Variants in MACROH2A2 observed in about 807,000 individuals in gnomAD.
The protein encoded by MACROH2A2 is macroH2A.2 histone, also known as core histone macro-H2A.2.
In MACROH2A2, 6 loss-of-function variants were observed where a neutral mutation model predicts 37.6. The ratio of observed to expected loss-of-function variants is 0.16; its 90% CI spans 0.09 to 0.32. MACROH2A2 has a LOEUF of 0.32. MACROH2A2 is among the 10% of genes least tolerant of loss of function. The pLI, the probability that MACROH2A2 is intolerant of heterozygous loss-of-function variation, is 1.00. For missense variants in MACROH2A2, 290 were observed against 485.9 expected (o/e 0.60, Z 3.79); for synonymous variants, 192 against 202.7 (o/e 0.95, Z 0.45).
At chr10:70,099,884 A>C (rs796487692) in intron 6 of MACROH2A2, among the ~76,000 whole-genome samples, 24 of 152,238 alleles carry the variant, frequency 1.6e-4, no homozygotes, top group African/African-American at 5.3e-4. Context: ...TGAGTACTAA[A>C]CCTGTGGGAC....
chr10:70,069,499 C>T (rs1420242883), intron 1 of MACROH2A2, among the ~76,000 whole-genome samples: 1 of 152,124 alleles, frequency 6.6e-6, no homozygotes, highest in Non-Finnish European at 1.5e-5. Context: ...CTATAGCCCA[C>T]GTGCATCTGG....
chr10:70,055,440 C>T lies in MACROH2A2; in HGVS notation c.-60+2440C>T, dbSNP rs185454207. Among the ~76,000 whole-genome samples, 11 of 152,170 alleles carry T rather than the reference C, an allele frequency of 7.2e-5. No individual in the cohort carries two copies. The East Asian group carries it at 1.4e-3, about 19-fold the overall frequency. Reference sequence around the variant, plus strand: ...TGTTGTTGTTTTGAGATGGGGGTCTCGCTATATTGCTCAGACTGGTCTCGA... The same window carrying T: ...TGTTGTTGTTTTGAGATGGGGGTCTTGCTATATTGCTCAGACTGGTCTCGA... On this transcript the variant is annotated intron_variant, in intron 1 of 8. Transcript: ENST00000373255.
intron 1 of MACROH2A2, among the ~76,000 whole-genome samples, chr10:70,055,124 A>G (rs985189353): frequency 3.9e-5 from 6 of 152,110 alleles, no homozygotes; most frequent in African/African-American, 7.2e-5. Flanking sequence ...CCTGCTAGCT[A>G]TTGTCTGAGA....
At chr10:70,065,350 T>G (rs896133005) in intron 1 of MACROH2A2, among the ~76,000 whole-genome samples, 1 of 152,214 alleles carries the variant, frequency 6.6e-6, no homozygotes, top group African/African-American at 2.4e-5. Flanking sequence ...GTGCTGGGAT[T>G]ATAAGCGTAA....
rs1244096329 is a variant in MACROH2A2, at chr10:70,109,223, CCT to C, written c.953+17_953+18del. 1.7e-5 allele frequency: 28 copies of C among 1,608,206 alleles called. No individual in the cohort carries two copies. Among genetic ancestry groups the C allele is most frequent in the Admixed American group, 3.3e-5 (2 of 60,008 alleles). ...CCAGCGGCAGGTAAGATGCAGTTCC[CCT>C]GAGTTGATTCCTCCGGCTTTTTCCC... On this transcript the variant is annotated intron_variant, in intron 8 of 8. Transcript: ENST00000373255.
At chr10:70,109,284 C>G (rs1257119260) in intron 8 of MACROH2A2, 77 bp downstream of exon 8, 7 of 1,261,822 alleles carry the variant, frequency 5.5e-6, no homozygotes. Context: ...TACATCTGAT[C>G]TGGGTGTTGC....
chr10:70,108,938 C>G, intron 7 of MACROH2A2, 95 bp from the exon 8 acceptor site: 2 of 1,122,654 alleles, frequency 1.8e-6, no homozygotes, highest in East Asian at 4.7e-5. Context: ...CTATCACTGC[C>G]TTATCTCCAG....
chr10:70,079,596 C>CACAT (rs990422754), intron 2 of MACROH2A2, among the ~76,000 whole-genome samples: 1 of 151,740 alleles, frequency 6.6e-6, no homozygotes. Flanking sequence ...CACACACACA[C>CACAT]ACACACACAC....
At chr10:70,088,043 C>A (rs1262927860) in intron 2 of MACROH2A2, among the ~76,000 whole-genome samples, 22 of 152,190 alleles carry the variant, frequency 1.4e-4, no homozygotes, top group Non-Finnish European at 5.9e-5. Flanking sequence ...CATACAAAGT[C>A]ATCTGTTAAT....
At position 70,053,086 on chromosome 10, in the gene MACROH2A2, G is replaced by A. The variant is rs1351824976; in HGVS notation, c.-60+86G>A. On this transcript the variant is annotated intron_variant, in intron 1 of 8. Coordinates refer to ENST00000373255, the MANE Select transcript of MACROH2A2 (RefSeq NM_018649.3). This position sits in a 1 kb window ranked among gnomAD's most constrained non-coding sequence, Gnocchi z 4.8. ...GCGCCGCCGGGGCAGTGCAGGGGCC[G>A]GAGAGAACCACCTCTGCCTCTCCCC... 1 of 152,354 alleles carries A rather than the reference G, an allele frequency of 6.6e-6. No homozygotes were observed. The highest frequency in any genetic ancestry group is 2.1e-4 in the South Asian group (1 of 4,836). 9.4% of individuals were successfully genotyped at this position (152,354 alleles called of 1,614,324 possible).
intron 2 of MACROH2A2, among the ~76,000 whole-genome samples, chr10:70,078,565 G>A (rs1032985310): frequency 6.6e-5 from 10 of 152,154 alleles, no homozygotes; most frequent in African/African-American, 2.4e-4. Flanking sequence ...TGAGCTCCAG[G>A]TGTTTCCAGA....
chr10:70,091,712 C>A, intron 3 of MACROH2A2, 45 bp from the exon 4 acceptor site: 339 of 1,088,776 alleles, frequency 3.1e-4, no homozygotes, highest in Non-Finnish European at 4.3e-4. Flanking sequence ...AAATTGGGAA[C>A]TAGCAGGCTG....
chr10:70,057,644 G>A (rs1250354629), intron 1 of MACROH2A2, among the ~76,000 whole-genome samples: 2 of 152,118 alleles, frequency 1.3e-5, no homozygotes, highest in South Asian at 4.1e-4. Context: ...CTCAAGTACC[G>A]TACTAATTGT....
chr10:70,065,538 A>C (rs954854193), intron 1 of MACROH2A2, among the ~76,000 whole-genome samples: 19 of 152,224 alleles, frequency 1.2e-4, no homozygotes, highest in African/African-American at 4.6e-4. Flanking sequence ...CATTCTAATT[A>C]GTTTCAGAGA....
At chr10:70,105,963 G>A (rs2072335217) in intron 7 of MACROH2A2, among the ~76,000 whole-genome samples, 1 of 152,198 alleles carries the variant, frequency 6.6e-6, no homozygotes, top group African/African-American at 2.4e-5. Flanking sequence ...TGGCTGCTTA[G>A]GAGGTGGGGC....
chr10:70,065,668 G>GA (rs1226351613), intron 1 of MACROH2A2, among the ~76,000 whole-genome samples: 13 of 151,722 alleles, frequency 8.6e-5, no homozygotes, highest in Admixed American at 2.0e-4. Context: ...AAAGACTGAA[G>GA]AAAAAATAGA....
At position 70,109,034 on chromosome 10, in the gene MACROH2A2, C is replaced by G. The variant is rs74139271; in HGVS notation, c.780C>G (p.Ala260=). The change falls in exon 8 of 9, where the codon GCC becomes GCG. Residue 260 remains alanine, a splice_region_variant and synonymous_variant. Transcript: ENST00000373255. ...KSQGPLEVAE[A]AVSQSSGLAA... ...GGCATTTTCTCTCCTATGTCCCAGC[C>G]GCCGTCAGCCAATCCAGTGGACTCG... The G allele has an allele frequency of 6.2e-7, 1 of 1,613,768 alleles. No homozygotes were observed. Among genetic ancestry groups the G allele is most frequent in the African/African-American group, 1.3e-5 (1 of 74,920 alleles).
chr10:70,069,910 A>G (rs942887642), intron 1 of MACROH2A2, among the ~76,000 whole-genome samples: 3 of 152,190 alleles, frequency 2.0e-5, no homozygotes, highest in Non-Finnish European at 2.9e-5. Flanking sequence ...ATAATTTATC[A>G]TAACTCCAGG....
chr10:70,059,176 T>G (rs2072035709), intron 1 of MACROH2A2, among the ~76,000 whole-genome samples: 1 of 151,958 alleles, frequency 6.6e-6, no homozygotes, highest in African/African-American at 2.4e-5. Flanking sequence ...GGGAGTCTGT[T>G]TTGAGCATCT....
Sources: gnomAD v4.1 joint callset for allele counts (sites outside exome capture counted in the v4.1 genomes callset) on GRCh38, gnomAD v4.1.1 for gene constraint, Gnocchi (gnomAD v3.1) non-coding constraint, MANE v1.5 for transcripts, NCBI Gene and HGNC (gene_info 2026-07-23, HGNC 2026-07-21) for gene names.